Variants in BRINP3 observed in about 807,000 individuals in gnomAD.
BRINP3 encodes BMP/retinoic acid inducible neural specific 3.
A neutral mutation model predicts 71.0 loss-of-function variants in BRINP3; 19 were observed. That is an observed-to-expected ratio of 0.27 (90% CI 0.19 to 0.39). The LOEUF is 0.39. BRINP3 is among the 10% of genes least tolerant of loss of function. The probability of loss-of-function intolerance (pLI) is 1.00; values close to 1 mark genes in which losing one functional copy is unlikely to be tolerated. For synonymous variants in BRINP3, 380 were observed against 337.7 expected (o/e 1.13, Z -1.37); for missense variants, 959 against 940.8 (o/e 1.02, Z -0.25).
At chr1:190,127,780 G>A (rs75654110) in intron 7 of BRINP3, among the ~76,000 whole-genome samples, 129 of 151,930 alleles carry the variant, frequency 8.5e-4, no homozygotes, top group East Asian at 7.0e-3. Flanking sequence ...CTGGCTATCT[G>A]AGTGACTACA....
chr1:190,145,637 T>C (rs948206697), intron 7 of BRINP3, among the ~76,000 whole-genome samples: 7 of 152,152 alleles, frequency 4.6e-5, no homozygotes, highest in Non-Finnish European at 1.0e-4. Context: ...GAACAAAAAG[T>C]AGACCTACCA....
Position 190,098,238 on chromosome 1 carries a change from C to T in BRINP3, c.2081G>A (p.Gly694Glu), listed in dbSNP as rs539178233. 6.2e-7 allele frequency: 1 copy of T among 1,614,100 alleles called. No homozygotes were observed. Among genetic ancestry groups the T allele is most frequent in the Admixed American group, 1.7e-5 (1 of 60,014 alleles). The change falls in exon 8 of 8, where the codon GGA becomes GAA. Residue 694 changes from glycine to glutamate, a missense_variant. Gly to Glu is a moderately conservative substitution (Grantham distance 98). Coordinates refer to ENST00000367462, the MANE Select transcript of BRINP3 (RefSeq NM_199051.3). Reference sequence around the variant, plus strand: ...TTGCAAAAGTGCTGAATCCTGGGATCCCTGAGTATAGGGGTAGTCCAGCTG... The same window carrying T: ...TTGCAAAAGTGCTGAATCCTGGGATTCCTGAGTATAGGGGTAGTCCAGCTG... ...ILQLDYPYTQ[G>E]SQDSALLQLL...
At chr1:190,185,996 T>C (rs1007655713) in intron 6 of BRINP3, among the ~76,000 whole-genome samples, 1 of 152,142 alleles carries the variant, frequency 6.6e-6, no homozygotes, top group Non-Finnish European at 1.5e-5. Flanking sequence ...ACACCATACA[T>C]TATATTTATG....
intron 2 of BRINP3, among the ~76,000 whole-genome samples, chr1:190,396,201 A>G (rs1290721513): frequency 6.6e-6 from 1 of 151,968 alleles, no homozygotes; most frequent in Non-Finnish European, 1.5e-5. Flanking sequence ...TAAATGAGTA[A>G]TGCTGGAATT....
At chr1:190,194,438 G>A (rs1187112641) in intron 6 of BRINP3, among the ~76,000 whole-genome samples, 2 of 151,688 alleles carry the variant, frequency 1.3e-5, no homozygotes, top group African/African-American at 4.8e-5. Context: ...TTATTTGAGT[G>A]CATCATCTTA....
Position 190,098,491 on chromosome 1 carries a change from A to G in BRINP3, c.1828T>C (p.Trp610Arg). 6.2e-7 allele frequency: 1 copy of G among 1,614,120 alleles called. No individual in the cohort carries two copies. Among genetic ancestry groups the G allele is most frequent in the Non-Finnish European group, 8.5e-7 (1 of 1,180,026 alleles). Residue 610 changes from tryptophan (W) to arginine (R), a missense_variant, in exon 8 of 8, where the codon TGG (tryptophan) becomes CGG (arginine). Trp to Arg is a moderately radical substitution (Grantham distance 101, BLOSUM62 -3). Transcript: ENST00000367462. Reference protein sequence around the residue: ...KLDLPLQCYNWTLTLGNKWKT... With the variant: ...KLDLPLQCYNRTLTLGNKWKT... ...CATTTGTTCCCCAGAGTTAATGTCC[A>G]GTTATAACACTGCAGGGGTAGGTCC...
At chr1:190,387,831 T>A (rs1232750033) in intron 2 of BRINP3, among the ~76,000 whole-genome samples, 2 of 151,842 alleles carry the variant, frequency 1.3e-5, no homozygotes, top group East Asian at 3.9e-4. Flanking sequence ...CAAATTTATA[T>A]CTTCACTCTA....
chr1:190,099,072 A>G lies in BRINP3; in HGVS notation c.1247T>C (p.Leu416Pro). ...SFLYCNENGL[L>P]GSFSEETHSC... ...GTGCGTCTCTTCTGAAAAGCTGCCTAGGAGGCCGTTCTCATTGCAGTAGAG... is the reference window on the plus strand; with the variant it reads ...GTGCGTCTCTTCTGAAAAGCTGCCTGGGAGGCCGTTCTCATTGCAGTAGAG... Residue 416 changes from leucine to proline, a missense_variant, in exon 8 of 8, where the codon CTA becomes CCA. Coordinates refer to ENST00000367462, the MANE Select transcript of BRINP3 (RefSeq NM_199051.3). 2 of 1,614,094 alleles carry G rather than the reference A, an allele frequency of 1.2e-6. No individual in the cohort carries two copies. The highest frequency in any genetic ancestry group is 1.7e-6 in the Non-Finnish European group (2 of 1,179,976).
At chr1:190,293,677 T>A (rs1257536836) in intron 2 of BRINP3, among the ~76,000 whole-genome samples, 1 of 152,208 alleles carries the variant, frequency 6.6e-6, no homozygotes, top group East Asian at 1.9e-4. Context: ...TCTATTAAAT[T>A]TGCTTTACAT....
intron 7 of BRINP3, chr1:190,153,968 G>A (rs1656646871): frequency 2.0e-6 from 1 of 512,450 alleles, no homozygotes. Context: ...TATACAAAAT[G>A]GAATTTTATT....
intron 7 of BRINP3, 142 bp from the exon 8 acceptor site, chr1:190,099,276 G>A (rs1651478808): frequency 1.3e-6 from 1 of 749,088 alleles, no homozygotes; most frequent in East Asian, 2.7e-5. Context: ...GATTCATAGA[G>A]CTCATAATTA....
intron 2 of BRINP3, among the ~76,000 whole-genome samples, chr1:190,361,809 C>T (rs1468340738): frequency 6.6e-6 from 1 of 152,106 alleles, no homozygotes; most frequent in Non-Finnish European, 1.5e-5. Flanking sequence ...CTTCATCATC[C>T]ACAAAGTAGG....
chr1:190,165,443 G>GTTTTTTTTTT lies in BRINP3; in HGVS notation c.962-4563_962-4554dup, dbSNP rs1222291505. ...GCAAGTATGCTCTGTTTCATTGGCTGTTTTTTTTTTTTTTTTTTGTGTGTG... is the reference window on the plus strand; with the variant it reads ...GCAAGTATGCTCTGTTTCATTGGCTGTTTTTTTTTTTTTTTTTTTTTTTTTTTTGTGTGTG... On this transcript the variant is annotated intron_variant, in intron 6 of 7. Transcript: ENST00000367462. 9.2e-4 allele frequency among the ~76,000 whole-genome samples: 43 copies of GTTTTTTTTTT among 46,594 alleles called. 8 individuals carry two copies. The highest frequency in any genetic ancestry group is 3.4e-3 in the South Asian group (4 of 1,186). The allele number at this position is 46,594 out of a possible 152,430, so 30.6% of individuals were successfully genotyped here.
At position 190,199,780 on chromosome 1, in the gene BRINP3, A is replaced by AC. The variant is rs1273972981; in HGVS notation, c.961+26301_961+26302insG. Among the ~76,000 whole-genome samples, 7 of 146,198 alleles carry AC rather than the reference A, an allele frequency of 4.8e-5. No individual in the cohort carries two copies. In the East Asian group the frequency reaches 7.8e-4, roughly 16 times the overall value. Reference sequence around the variant, plus strand: ...TCTTGTCAAGGCATAGGAAAAAAAAAAAAACAAAAACAAAAACAAACAAAA... The same window carrying AC: ...TCTTGTCAAGGCATAGGAAAAAAAAACAAAACAAAAACAAAAACAAACAAAA... On this transcript the variant is annotated intron_variant, in intron 6 of 7. Transcript: ENST00000367462.
intron 7 of BRINP3, among the ~76,000 whole-genome samples, chr1:190,115,828 G>T (rs539028687): frequency 6.6e-6 from 1 of 152,088 alleles, no homozygotes; most frequent in Admixed American, 6.6e-5. Context: ...GGATGAAATT[G>T]ATTTTCTGAA....
At chr1:190,127,010 A>G (rs1654138942) in intron 7 of BRINP3, among the ~76,000 whole-genome samples, 1 of 151,922 alleles carries the variant, frequency 6.6e-6, no homozygotes, top group African/African-American at 2.4e-5. Flanking sequence ...TAATTTGATC[A>G]CAAACAGTAT....
intron 2 of BRINP3, among the ~76,000 whole-genome samples, chr1:190,418,827 A>C (rs1367543372): frequency 6.6e-6 from 1 of 152,128 alleles, no homozygotes; most frequent in Admixed American, 6.6e-5. Flanking sequence ...GCTATAATTT[A>C]AAAAAGAAAA....
intron 3 of BRINP3, among the ~76,000 whole-genome samples, chr1:190,265,680 A>T (rs1343549093): frequency 6.6e-6 from 1 of 151,452 alleles, no homozygotes; most frequent in Non-Finnish European, 1.5e-5. Context: ...CCGCCACTGC[A>T]CTCCAGCCTG....
rs750781490 is a variant in BRINP3 at position 190,226,157 on chromosome 1, T to A, written c.886A>T (p.Ile296Phe). 8 of 1,612,324 alleles carry A rather than the reference T, an allele frequency of 5.0e-6. No individual in the cohort carries two copies. The highest frequency in any genetic ancestry group is 1.3e-5 in the African/African-American group (1 of 74,800). ...FPECNCPSMDIQAMEENLLRI... is the reference protein window; with the variant it reads ...FPECNCPSMDFQAMEENLLRI... ...AGAAGATTCTCTTCCATGGCTTGAATGTCCATGGAGGGGCAGTTGCATTCT... is the reference window on the plus strand; with the variant it reads ...AGAAGATTCTCTTCCATGGCTTGAAAGTCCATGGAGGGGCAGTTGCATTCT... The change falls in exon 6 of 8, where the codon ATT becomes TTT. Residue 296 changes from isoleucine to phenylalanine, a missense_variant. Ile to Phe is a conservative substitution (Grantham distance 21). Transcript: ENST00000367462.
Sources: allele counts gnomAD v4.1 joint callset (sites outside exome capture counted in the v4.1 genomes callset), GRCh38; gene constraint gnomAD v4.1.1; transcripts MANE v1.5; gene names NCBI Gene and HGNC (gene_info 2026-07-23, HGNC 2026-07-21).